Variants in TTL observed in about 807,000 individuals in gnomAD.
The protein encoded by TTL is tubulin tyrosine ligase.
A neutral mutation model predicts 41.1 loss-of-function variants in TTL; 10 were observed. That is an observed-to-expected ratio of 0.24 (90% CI 0.15 to 0.41). The LOEUF (loss-of-function observed/expected upper bound fraction) is 0.41, where lower values mean the gene tolerates loss of function less well. TTL is among the 10% of genes least tolerant of loss of function. The pLI, the probability that TTL is intolerant of heterozygous loss-of-function variation, is 1.00. For synonymous variants in TTL, 175 were observed against 175.5 expected, an observed-to-expected ratio of 1.00 and a Z score of 0.02; for missense variants, 367 against 460.4, an observed-to-expected ratio of 0.80 and a Z score of 1.86.
intron 3 of TTL, among the ~76,000 whole-genome samples, chr2:112,495,030 A>G (rs1416122262): frequency 6.6e-6 from 1 of 152,152 alleles, no homozygotes; most frequent in African/African-American, 2.4e-5. Flanking sequence ...CCGGATTCCT[A>G]ATGGTAGCCT....
intron 2 of TTL, among the ~76,000 whole-genome samples, chr2:112,487,110 T>A (rs1253112578): frequency 1.3e-5 from 2 of 152,186 alleles, no homozygotes. Flanking sequence ...CTGGTGAACA[T>A]GTGTGTGTAG....
Position 112,482,170 on chromosome 2 carries a change from C to G in TTL, c.-175C>G. ...GTGCGAGCGGCGCTTTCCTCTCCGG[C>G]ACCCGGCGGGCGCCCGGGCGCGGCG... On this transcript the variant is annotated 5_prime_UTR_variant, in exon 1 of 7. Coordinates refer to ENST00000233336, the MANE Select transcript of TTL (RefSeq NM_153712.5). The surrounding 1 kb of genome is among the most constrained non-coding windows in gnomAD (Gnocchi z 5.3). 1 of 183,574 alleles carries G rather than the reference C, an allele frequency of 5.4e-6. No individual in the cohort carries two copies. The allele number at this position is 183,574 out of a possible 1,614,324, so 11.4% of individuals were successfully genotyped here. A position where few individuals can be genotyped will look rare whatever the true frequency, so the allele number is the denominator to read the frequency against.
chr2:112,516,094 C>T (rs966277141), intron 5 of TTL, among the ~76,000 whole-genome samples: 4 of 152,116 alleles, frequency 2.6e-5, no homozygotes, highest in Non-Finnish European at 4.4e-5. Context: ...TACCATATTT[C>T]CTGTTTTATG....
At chr2:112,524,818 G>T (rs1436340489) in intron 6 of TTL, among the ~76,000 whole-genome samples, 5 of 152,074 alleles carry the variant, frequency 3.3e-5, no homozygotes, top group Admixed American at 2.6e-4. Flanking sequence ...GTCAATTTTT[G>T]CTTTTGTTGC....
chr2:112,490,049 A>T (rs1681337831), intron 2 of TTL, among the ~76,000 whole-genome samples: 1 of 152,182 alleles, frequency 6.6e-6, no homozygotes, highest in Non-Finnish European at 1.5e-5. Context: ...GTTTCCATGA[A>T]CTGGAGAATC....
chr2:112,498,577 C>G (rs1313963833), intron 3 of TTL, among the ~76,000 whole-genome samples: 2 of 152,068 alleles, frequency 1.3e-5, no homozygotes, highest in South Asian at 2.1e-4. Flanking sequence ...ATGTTAGCAA[C>G]ATTTTTGTAT....
At chr2:112,494,479 C>T (rs930003670) in intron 3 of TTL, 104 bp downstream of exon 3, 6 of 877,344 alleles carry the variant, frequency 6.8e-6, no homozygotes, top group South Asian at 3.5e-5. Flanking sequence ...AGGTTGAGAC[C>T]GTGTCTAGTT....
chr2:112,525,845 G>A (rs1348850324), intron 6 of TTL, among the ~76,000 whole-genome samples: 2 of 152,152 alleles, frequency 1.3e-5, no homozygotes, highest in African/African-American at 4.8e-5. Flanking sequence ...TGGTGAGAGA[G>A]GGCATCCCTG....
chr2:112,502,774 T>G (rs1385512418), intron 4 of TTL, 138 bp from the exon 5 acceptor site: 1 of 813,442 alleles, frequency 1.2e-6, no homozygotes, highest in Non-Finnish European at 1.9e-6. Context: ...TCTTATAGTT[T>G]TAGAAACTTC....
chr2:112,520,530 G>A (rs1682195826), intron 6 of TTL, 105 bp downstream of exon 6: 2 of 1,472,278 alleles, frequency 1.4e-6, no homozygotes, highest in Non-Finnish European at 1.8e-6. Flanking sequence ...GAGGGAGGAT[G>A]CCACAGTGAT....
rs1239797992 is a variant in TTL at position 112,523,891 on chromosome 2, C to T, written c.1019+3466C>T. 3.3e-5 allele frequency among the ~76,000 whole-genome samples: 5 copies of T among 151,774 alleles called. No homozygotes were observed. In the South Asian group the frequency reaches 1.0e-3, roughly 32 times the overall value. On this transcript the variant is annotated intron_variant, in intron 6 of 6. Coordinates refer to ENST00000233336, the MANE Select transcript of TTL (RefSeq NM_153712.5). ...ACATGTGCCATGTTGGTGTGCTGTACCCATTAACTCATCATTTACATTAGG... is the reference window on the plus strand; with the variant it reads ...ACATGTGCCATGTTGGTGTGCTGTATCCATTAACTCATCATTTACATTAGG...
chr2:112,522,214 C>G (rs1484605704), intron 6 of TTL: 1 of 152,566 alleles, frequency 6.6e-6, no homozygotes, highest in Non-Finnish European at 1.5e-5. Flanking sequence ...GTTCCCTTCA[C>G]AGCCAAGCTT....
intron 5 of TTL, among the ~76,000 whole-genome samples, chr2:112,503,590 C>T (rs559457078): frequency 8.7e-5 from 13 of 149,024 alleles, no homozygotes; most frequent in South Asian, 2.1e-4. Flanking sequence ...TGTGCCACCA[C>T]GCTGGGCTAA....
At chr2:112,525,763 T>C (rs1174295258) in intron 6 of TTL, among the ~76,000 whole-genome samples, 2 of 152,190 alleles carry the variant, frequency 1.3e-5, no homozygotes, top group African/African-American at 4.8e-5. Flanking sequence ...TTTTTCCTAA[T>C]TGAATACCCT....
chr2:112,502,789 T>A, intron 4 of TTL, 123 bp from the exon 5 acceptor site: 1 of 1,004,482 alleles, frequency 1.0e-6, no homozygotes, highest in South Asian at 2.1e-5. Context: ...AACTTCCTCC[T>A]TCCCTAGTTG....
chr2:112,523,509 C>T (rs571281948), intron 6 of TTL, among the ~76,000 whole-genome samples: 24 of 152,096 alleles, frequency 1.6e-4, no homozygotes, highest in Admixed American at 3.3e-4. Context: ...GGGGAGTCTT[C>T]CTCTGTCACT....
At chr2:112,518,835 T>A (rs1358687134) in intron 5 of TTL, among the ~76,000 whole-genome samples, 1 of 152,092 alleles carries the variant, frequency 6.6e-6, no homozygotes, top group Admixed American at 6.5e-5. Context: ...CCACTATGCC[T>A]GGCTAATTTT....
At chr2:112,483,722 C>T (rs1681158395) in intron 1 of TTL, 1 of 152,268 alleles carries the variant, frequency 6.6e-6, no homozygotes, top group African/African-American at 2.4e-5. Flanking sequence ...GAATGAAGAG[C>T]TGCAGTGTAA....
In TTL at chr2:112,528,978, T is replaced by C; in HGVS notation, c.*183T>C. ...CCAAAGAGAGGGCTGCTCAGGGGGC[T>C]TCCCAGATGTAGCTCTCAGCAGTGC... is the stretch of plus-strand genomic sequence containing the variant. On this transcript the variant is annotated 3_prime_UTR_variant, in exon 7 of 7. Coordinates refer to ENST00000233336, the MANE Select transcript of TTL (RefSeq NM_153712.5). The C allele has an allele frequency of 1.6e-6, 1 of 617,040 alleles. No homozygotes were observed. Among genetic ancestry groups the C allele is most frequent in the Non-Finnish European group, 2.9e-6 (1 of 343,956 alleles). The allele number at this position is 617,040 out of a possible 1,614,324, so 38.2% of individuals were successfully genotyped here.
Sources: allele counts gnomAD v4.1 joint callset (sites outside exome capture counted in the v4.1 genomes callset), GRCh38; gene constraint gnomAD v4.1.1; non-coding constraint Gnocchi (gnomAD v3.1); transcripts MANE v1.5; gene names NCBI Gene and HGNC (gene_info 2026-07-23, HGNC 2026-07-21).